The following NRK variants were observed in gnomAD, a reference collection of about 807,000 sequenced individuals.
NRK encodes Nik related kinase.
In NRK, 67 loss-of-function variants were observed where a neutral mutation model predicts 125.2. That is an observed-to-expected ratio of 0.54 (90% CI 0.44 to 0.66). NRK has a LOEUF of 0.66. NRK is among the 30% of genes least tolerant of loss of function. NRK has a pLI of 0.00. For synonymous variants in NRK, 458 were observed against 429.0 expected (o/e 1.07, Z -0.84); for missense variants, 1,224 against 1,192.9 (o/e 1.03, Z -0.38).
chrX:105,949,502 T>C, intron 26 of NRK, 73 bp from the exon 27 acceptor site: 1 of 848,361 alleles, frequency 1.2e-6, no homozygotes, highest in Non-Finnish European at 1.7e-6. Flanking sequence ...TTTATTGCTC[T>C]GCCAAGCTGC....
chrX:105,866,043 C>T (rs927602687), intron 2 of NRK, among the ~76,000 whole-genome samples: 1 of 107,012 alleles, frequency 9.3e-6, no homozygotes, highest in African/African-American at 3.4e-5. Context: ...AAAGTCAGTA[C>T]ACTTTTTTCA....
chrX:105,950,823 C>CAGAGAGAG (rs746466025), intron 27 of NRK, among the ~76,000 whole-genome samples: 1 of 100,735 alleles, frequency 9.9e-6, no homozygotes, highest in Admixed American at 1.1e-4. Flanking sequence ...AACATAGAGA[C>CAGAGAGAG]AGAGAGAGAG....
In NRK at chrX:105,956,928, C is replaced by T. The variant is rs2040985610; in HGVS notation, c.*1328C>T. ...GCAACAGAACTGCCACAAAGTATAC[C>T]TCAATATAATTCCTCTAGTTCTGCT... is the stretch of plus-strand genomic sequence containing the variant. On this transcript the variant is annotated 3_prime_UTR_variant, in exon 29 of 29. Coordinates refer to ENST00000243300, the MANE Select transcript of NRK (RefSeq NM_198465.4). 8.9e-6 allele frequency: 1 copy of T among 112,142 alleles called. No individual in the cohort carries two copies. The highest frequency in any genetic ancestry group is 1.9e-5 in the Non-Finnish European group (1 of 53,164). The allele number at this position is 112,142 out of a possible 1,213,427, so 9.2% of individuals were successfully genotyped here.
intron 2 of NRK, among the ~76,000 whole-genome samples, 190 bp downstream of exon 2, chrX:105,831,309 A>G (rs1195008583): frequency 8.9e-6 from 1 of 112,122 alleles, no homozygotes; most frequent in African/African-American, 3.2e-5. Flanking sequence ...TGGCTAATCT[A>G]TAGTGTACCA....
chrX:105,881,403 A>G (rs2039882622), intron 3 of NRK, among the ~76,000 whole-genome samples: 1 of 111,784 alleles, frequency 8.9e-6, no homozygotes, highest in Non-Finnish European at 1.9e-5. Flanking sequence ...TTTAAAAATC[A>G]TGTTCAACCC....
intron 22 of NRK, among the ~76,000 whole-genome samples, chrX:105,937,826 A>G (rs1331347788): frequency 8.9e-6 from 1 of 111,901 alleles, no homozygotes; most frequent in African/African-American, 3.2e-5. Context: ...GCATCCTTGC[A>G]TGTTCTCTCC....
chrX:105,862,990 A>G (rs894754907), intron 2 of NRK, among the ~76,000 whole-genome samples: 2 of 112,328 alleles, frequency 1.8e-5, no homozygotes, highest in Non-Finnish European at 3.8e-5. Context: ...GTTATGTACT[A>G]TTTATCTTCT....
chrX:105,909,388 G>A lies in NRK; in HGVS notation c.1747G>A (p.Val583Ile), dbSNP rs544029266. The part of the protein sequence containing the change: ...TEAEEPESLR[V>I]NAQVFLPLLS... Reference sequence around the variant, plus strand: ...GGCAGAGGAACCTGAGTCATTACGAGTAAATGCCCAGGTATTTCTGCCCCT... The same window carrying A: ...GGCAGAGGAACCTGAGTCATTACGAATAAATGCCCAGGTATTTCTGCCCCT... Residue 583 changes from valine to isoleucine, a missense_variant, in exon 13 of 29, where the codon GTA (valine) becomes ATA (isoleucine). Transcript: ENST00000243300. The A allele has an allele frequency of 1.9e-4, 226 of 1,205,149 alleles. 2 individuals carry two copies. The South Asian group carries it at 4.0e-3, about 21-fold the overall frequency.
intron 2 of NRK, among the ~76,000 whole-genome samples, chrX:105,844,019 C>G (rs3999755): frequency 0.15 from 9,121 of 59,348 alleles, 326 homozygotes; most frequent in Middle Eastern, 0.23. Flanking sequence ...GTGTGTGTGT[C>G]TGTGTGTGTG....
At chrX:105,828,880 G>A (rs187932519) in intron 1 of NRK, among the ~76,000 whole-genome samples, 42 of 111,671 alleles carry the variant, frequency 3.8e-4, no homozygotes, top group Admixed American at 3.1e-3. Flanking sequence ...TTACATGTTC[G>A]TTGGGAGTAT....
At chrX:105,931,994 T>G (rs888122309) in intron 19 of NRK, among the ~76,000 whole-genome samples, 1 of 111,310 alleles carries the variant, frequency 9.0e-6, no homozygotes, top group Admixed American at 9.5e-5. Context: ...AACTAAACAA[T>G]TAAGTCTTGT....
intron 23 of NRK, among the ~76,000 whole-genome samples, chrX:105,940,822 A>G (rs1459912754): frequency 1.8e-5 from 2 of 111,641 alleles, no homozygotes; most frequent in East Asian, 5.6e-4. Flanking sequence ...AACTGGTGGC[A>G]TAGGTGAGAA....
At chrX:105,955,308 A>G (rs887734185) in intron 28 of NRK, among the ~76,000 whole-genome samples, 197 bp from the exon 29 acceptor site, 3 of 111,999 alleles carry the variant, frequency 2.7e-5, no homozygotes, top group African/African-American at 9.7e-5. Context: ...ACTATAGTAA[A>G]AGGGTTGTTT....
chrX:105,858,421 A>AGACTTG (rs1211611959), intron 2 of NRK, among the ~76,000 whole-genome samples: 1 of 105,828 alleles, frequency 9.4e-6, no homozygotes, highest in African/African-American at 3.5e-5. Context: ...ATAAAGGGAG[A>AGACTTG]GACTTGAAAG....
intron 26 of NRK, chrX:105,948,465 A>G: frequency 3.0e-6 from 1 of 330,029 alleles, no homozygotes; most frequent in Admixed American, 5.7e-5. Flanking sequence ...GATACAAGGG[A>G]ACCATGTGTG....
chrX:105,938,328 G>A (rs1232184927), intron 22 of NRK, among the ~76,000 whole-genome samples: 2 of 111,525 alleles, frequency 1.8e-5, no homozygotes, highest in African/African-American at 6.5e-5. Flanking sequence ...TATATAACAT[G>A]CTTTATATAT....
rs1280974390 is a variant in NRK, at chrX:105,909,119, T to C, written c.1478T>C (p.Val493Ala). 1.7e-6 allele frequency: 2 copies of C among 1,209,257 alleles called. No individual in the cohort carries two copies. The highest frequency in any genetic ancestry group is 4.4e-5 in the Admixed American group (2 of 45,729). ...AQVRAPRLLQ[V>A]QSQVSKKQQA... is the part of the protein sequence containing the mutation. The stretch of plus-strand genomic sequence containing the variant: ...GTTAGGGCACCTAGGCTTCTGCAGG[T>C]ACAGTCCCAGGTATCCAAAAAGCAG... The change falls in exon 13 of 29, where the codon GTA (valine) becomes GCA (alanine). Residue 493 changes from valine (V) to alanine (A), a missense_variant. Transcript: ENST00000243300.
chrX:105,829,943 T>TA (rs777393002), intron 1 of NRK, among the ~76,000 whole-genome samples: 1 of 110,934 alleles, frequency 9.0e-6, no homozygotes, highest in South Asian at 3.8e-4. Flanking sequence ...AAACCGCAGT[T>TA]ACTTTTGCAT....
rs766335355 is a variant in NRK, at chrX:105,822,813, C to A, written c.-33C>A. On this transcript the variant is annotated 5_prime_UTR_variant, in exon 1 of 29. Coordinates refer to ENST00000243300, the MANE Select transcript of NRK (RefSeq NM_198465.4). Reference sequence around the variant, plus strand: ...CCTCAGACTCTGCGCGCACCCAATTCAGTCGCCCGCTCCCGTTCGGCTCCT... The same window carrying A: ...CCTCAGACTCTGCGCGCACCCAATTAAGTCGCCCGCTCCCGTTCGGCTCCT... The A allele has an allele frequency of 3.2e-5, 37 of 1,154,832 alleles. No homozygotes were observed. Among genetic ancestry groups the A allele is most frequent in the Non-Finnish European group, 4.2e-5 (36 of 861,601 alleles).
Sources: allele counts gnomAD v4.1 joint callset (sites outside exome capture counted in the v4.1 genomes callset), GRCh38; gene constraint gnomAD v4.1.1; transcripts MANE v1.5; gene names NCBI Gene and HGNC (gene_info 2026-07-23, HGNC 2026-07-21).